The following WASHC5 variants were observed in gnomAD, a reference collection of about 807,000 sequenced individuals.
The protein encoded by WASHC5 is WASH complex subunit 5.
Under a neutral mutation model 150.4 loss-of-function variants are expected in WASHC5, and 101 were observed. The observed-to-expected ratio is 0.67, with a 90% CI of 0.57 to 0.79. WASHC5 has a LOEUF of 0.79. WASHC5 is among the 30% of genes least tolerant of loss of function. The pLI, the probability that WASHC5 is intolerant of heterozygous loss-of-function variation, is 0.00. For missense variants in WASHC5, 1,195 were observed against 1,396.3 expected (o/e 0.86, Z 2.30); for synonymous variants, 467 against 491.2 (o/e 0.95, Z 0.65).
At chr8:125,071,613 ACCT>A (rs968594124) in intron 9 of WASHC5, among the ~76,000 whole-genome samples, 2 of 151,890 alleles carry the variant, frequency 1.3e-5, no homozygotes, top group African/African-American at 4.8e-5. Flanking sequence ...GGGTTTCCTG[ACCT>A]CCTCTGCTCC....
chr8:125,082,549 T>G (rs147944912), intron 3 of WASHC5, 82 bp from the exon 4 acceptor site: 23 of 850,522 alleles, frequency 2.7e-5, no homozygotes, highest in Non-Finnish European at 4.2e-5. Context: ...TTTTAAAAGA[T>G]AAGGCAGGAT....
At chr8:125,087,054 A>G (rs558279099) in intron 1 of WASHC5, among the ~76,000 whole-genome samples, 2 of 152,306 alleles carry the variant, frequency 1.3e-5, no homozygotes, top group East Asian at 1.9e-4. Context: ...ATCATGATAA[A>G]TTTTTAACAT....
Position 125,083,853 on chromosome 8 carries a change from G to C in WASHC5, c.46C>G (p.Leu16Val). The change falls in exon 2 of 29, where the codon CTA becomes GTA. Residue 16 changes from leucine to valine, a missense_variant. By Grantham distance (32) the Leu-to-Val change is conservative. Transcript: ENST00000318410. ...GCATTACCACAGGAAACAATCCTTA[G>C]GATTGCTTGGCCACAGAGGTTGTTC... ...AENNLCGQAI[L>V]RIVSCGNAII... 1 of 1,614,028 alleles carries C rather than the reference G, an allele frequency of 6.2e-7. No homozygotes were observed. Among genetic ancestry groups the C allele is most frequent in the African/African-American group, 1.3e-5 (1 of 75,030 alleles).
At chr8:125,050,543 C>A (rs1816208163) in intron 18 of WASHC5, 21 bp downstream of exon 18, 1 of 1,570,492 alleles carries the variant, frequency 6.4e-7, no homozygotes, top group Non-Finnish European at 8.8e-7. Context: ...AGAGGACAGG[C>A]CCACTCTGGT....
At position 125,056,907 on chromosome 8, in the gene WASHC5, AG is replaced by A; in HGVS notation, c.1876-91del. ...ATTAGGATGCCTAATTTGTCTATAT[AG>A]GGGGATGCTGAAAAATGTAAAAGAG... On this transcript the variant is annotated intron_variant, in intron 15 of 28. Transcript: ENST00000318410. The A allele has an allele frequency of 9.4e-6, 14 of 1,481,696 alleles. No homozygotes were observed. The South Asian group carries it at 1.4e-4, about 14-fold the overall frequency. The allele number at this position is 1,481,696 out of a possible 1,614,324, so 91.8% of individuals were successfully genotyped here.
chr8:125,053,149 T>C lies in WASHC5; in HGVS notation c.2097+2442A>G, dbSNP rs117684353. On this transcript the variant is annotated intron_variant, in intron 17 of 28. Transcript: ENST00000318410. ...CTCTAACAATGAATGCTTATATCTC[T>C]GTGTATATCTCACTTGTTTTAAGTC... Among the ~76,000 whole-genome samples, 27 of 152,114 alleles carry C rather than the reference T, an allele frequency of 1.8e-4. No individual in the cohort carries two copies. The East Asian group carries it at 5.2e-3, about 29-fold the overall frequency.
At position 125,074,927 on chromosome 8, in the gene WASHC5, T is replaced by A. The variant is rs1436308575; in HGVS notation, c.978+71A>T. The A allele has an allele frequency of 3.4e-6, 3 of 895,474 alleles. No homozygotes were observed. The Admixed American group carries it at 5.1e-5, about 15-fold the overall frequency. 55.5% of individuals were successfully genotyped at this position (895,474 alleles called of 1,614,324 possible). Reference sequence around the variant, plus strand: ...TATCTTCCAAATTCCTTGGGAAATCTACTTAGCTTATTTGCTACTTCATAA... The same window carrying A: ...TATCTTCCAAATTCCTTGGGAAATCAACTTAGCTTATTTGCTACTTCATAA... On this transcript the variant is annotated intron_variant, in intron 8 of 28. Coordinates refer to ENST00000318410, the MANE Select transcript of WASHC5 (RefSeq NM_014846.4).
chr8:125,068,384 G>A (rs1332778851), intron 9 of WASHC5, among the ~76,000 whole-genome samples: 2 of 152,184 alleles, frequency 1.3e-5, no homozygotes, highest in African/African-American at 2.4e-5. Context: ...CTTCCTGGTT[G>A]ACAACACTTC....
intron 28 of WASHC5, among the ~76,000 whole-genome samples, chr8:125,026,425 T>C (rs565658795): frequency 6.6e-6 from 1 of 152,162 alleles, no homozygotes; most frequent in Non-Finnish European, 1.5e-5. Context: ...ACATTCAGCA[T>C]TTATAAAAAA....
At chr8:125,051,796 A>G (rs1248488132) in intron 17 of WASHC5, among the ~76,000 whole-genome samples, 1 of 152,228 alleles carries the variant, frequency 6.6e-6, no homozygotes, top group Non-Finnish European at 1.5e-5. Context: ...CTGAGGCAGG[A>G]GAACTGCTTG....
At chr8:125,064,880 C>G (rs774391234) in intron 10 of WASHC5, among the ~76,000 whole-genome samples, 12 of 152,244 alleles carry the variant, frequency 7.9e-5, no homozygotes, top group South Asian at 4.1e-4. Context: ...TCTTAGTGAT[C>G]TGGCAGAATG....
intron 27 of WASHC5, among the ~76,000 whole-genome samples, chr8:125,030,640 A>T (rs1428100671): frequency 5.3e-5 from 6 of 114,156 alleles, no homozygotes; most frequent in African/African-American, 8.5e-5. Context: ...TTTCTCATAA[A>T]AAAAAAAAAA....
At position 125,083,880 on chromosome 8, in the gene WASHC5, C is replaced by A; in HGVS notation, c.19G>T (p.Glu7Ter). MLDFLAENNLCGQAILR... is the reference protein window; with the variant it reads MLDFLA ...ATTGCTTGGCCACAGAGGTTGTTCTCGGCTAGAAAGTCCAACATTGTGAGG... is the reference window on the plus strand; with the variant it reads ...ATTGCTTGGCCACAGAGGTTGTTCTAGGCTAGAAAGTCCAACATTGTGAGG... Residue 7 changes from glutamate to a stop codon, truncating the protein, a stop_gained, in exon 2 of 29, where the codon GAG (glutamate) becomes TAG (stop). Transcript: ENST00000318410. LOFTEE classifies it high-confidence loss of function. 6.2e-7 allele frequency: 1 copy of A among 1,613,840 alleles called. No homozygotes were observed. Among genetic ancestry groups the A allele is most frequent in the South Asian group, 1.1e-5 (1 of 91,042 alleles).
intron 20 of WASHC5, 57 bp downstream of exon 20, chr8:125,047,150 G>T: frequency 6.2e-7 from 1 of 1,605,812 alleles, no homozygotes; most frequent in Non-Finnish European, 8.5e-7. Context: ...CAGGGCCACA[G>T]ATGCAGATGA....
chr8:125,077,445 G>C (rs2130184610), intron 6 of WASHC5, among the ~76,000 whole-genome samples: 1 of 152,322 alleles, frequency 6.6e-6, no homozygotes, highest in Non-Finnish European at 1.5e-5. Flanking sequence ...AAATTACCTG[G>C]AGACAGAATC....
intron 28 of WASHC5, among the ~76,000 whole-genome samples, chr8:125,026,406 G>C (rs1815381075): frequency 6.6e-6 from 1 of 152,082 alleles, no homozygotes; most frequent in Admixed American, 6.5e-5. Context: ...CACTGACACA[G>C]AATTAATTAC....
Position 125,083,771 on chromosome 8 carries a change from T to G in WASHC5, c.128A>C (p.Lys43Thr). Residue 43 changes from lysine (K) to threonine (T), a missense_variant, in exon 2 of 29, where the codon AAA becomes ACA. This residue lies in a region of WASHC5 where 195 missense variants were observed against 206.9 expected (regional missense o/e 0.94). Coordinates refer to ENST00000318410, the MANE Select transcript of WASHC5 (RefSeq NM_014846.4). Reference protein sequence around the residue: ...SEFIPAVFRLKDRADQQKYGD... With the variant: ...SEFIPAVFRLTDRADQQKYGD... Reference sequence around the variant, plus strand: ...ATATTTCTGTTGATCAGCTCTGTCTTTTAACCTGAACACAGCAGGAATAAA... The same window carrying G: ...ATATTTCTGTTGATCAGCTCTGTCTGTTAACCTGAACACAGCAGGAATAAA... 1 of 1,613,998 alleles carries G rather than the reference T, an allele frequency of 6.2e-7. No homozygotes were observed. The highest frequency in any genetic ancestry group is 8.5e-7 in the Non-Finnish European group (1 of 1,179,886).
chr8:125,035,271 C>T (rs895816958), intron 26 of WASHC5, among the ~76,000 whole-genome samples: 32 of 152,120 alleles, frequency 2.1e-4, no homozygotes, highest in African/African-American at 7.0e-4. Context: ...CTGGGAATTC[C>T]AGGGAGAGTG....
At position 125,047,226 on chromosome 8, in the gene WASHC5, G is replaced by A. The variant is rs80242901; in HGVS notation, c.2485C>T (p.Leu829=). 2.2e-4 allele frequency: 350 copies of A among 1,614,064 alleles called. 1 individual carries two copies. The African/African-American group carries it at 4.3e-3, about 20-fold the overall frequency. ...TFIGRLCREI[L]RITDPKMTCH... ...ACCTACTTTGGGTCTGTGATCCGCA[G>A]GATTTCTCTGCAGAGTCGACCAATA... is the stretch of plus-strand genomic sequence containing the variant. Residue 829 remains leucine (L), a synonymous_variant, in exon 20 of 29, where the codon CTG becomes TTG. Transcript: ENST00000318410.
Sources: gnomAD v4.1 joint callset for allele counts (sites outside exome capture counted in the v4.1 genomes callset) on GRCh38, gnomAD v4.1.1 for gene constraint, gnomAD v4.1.1 regional missense constraint, MANE v1.5 for transcripts, NCBI Gene and HGNC (gene_info 2026-07-23, HGNC 2026-07-21) for gene names.